The following PSTPIP1 variants were observed in gnomAD, a reference collection of about 807,000 sequenced individuals.
The protein encoded by PSTPIP1 is proline-serine-threonine phosphatase-interacting protein 1.
A neutral mutation model predicts 69.6 loss-of-function variants in PSTPIP1; 66 were observed. That is an observed-to-expected ratio of 0.95 (90% CI 0.78 to 1.16). The LOEUF (loss-of-function observed/expected upper bound fraction) is 1.16, where lower values mean the gene tolerates loss of function less well. Ranked by LOEUF, PSTPIP1 falls within the 50% of genes most tolerant of loss-of-function variation. PSTPIP1 has a pLI of 0.00. For missense variants in PSTPIP1, 603 were observed against 557.4 expected, an observed-to-expected ratio of 1.08 and a Z score of -0.82; for synonymous variants, 266 against 222.7, an observed-to-expected ratio of 1.19 and a Z score of -1.73.
intron 14 of PSTPIP1, among the ~76,000 whole-genome samples, chr15:77,036,337 C>A (rs2076572867): frequency 6.6e-6 from 1 of 152,146 alleles, no homozygotes; most frequent in Non-Finnish European, 1.5e-5. Context: ...CAGGTCATAG[C>A]TTGAGGGCCA....
chr15:77,031,320 C>T, intron 10 of PSTPIP1, 42 bp downstream of exon 10: 2 of 1,588,574 alleles, frequency 1.3e-6, no homozygotes, highest in Non-Finnish European at 8.6e-7. Context: ...GTAGGGCAGC[C>T]TCTAGGCAGC....
rs1268837835 is a variant in PSTPIP1 at position 77,027,954 on chromosome 15, AGCAGC to A, written c.417+45_417+49del. The A allele has an allele frequency of 4.7e-5, 70 of 1,501,620 alleles. No individual in the cohort carries two copies. Among genetic ancestry groups the A allele is most frequent in the Non-Finnish European group, 6.3e-5 (69 of 1,103,350 alleles). 93.0% of individuals were successfully genotyped at this position (1,501,620 alleles called of 1,614,324 possible). A position where few individuals can be genotyped will look rare whatever the true frequency, so the allele number is the denominator to read the frequency against. On this transcript the variant is annotated intron_variant, in intron 6 of 14. Transcript: ENST00000558012. The surrounding 1 kb of genome is among the most constrained non-coding windows in gnomAD (Gnocchi z 4.3). ...CTGGGGCCGCGGCCTTCCCTCGAGG[AGCAGC>A]GCAGGTCTCAGGGTGCGATCCTGGG...
At position 77,027,343 on chromosome 15, in the gene PSTPIP1, G is replaced by T. The variant is rs2076303327; in HGVS notation, c.355-509G>T. Among the ~76,000 whole-genome samples, 1 of 152,200 alleles carries T rather than the reference G, an allele frequency of 6.6e-6. No homozygotes were observed. Among genetic ancestry groups the T allele is most frequent in the South Asian group, 2.1e-4 (1 of 4,830 alleles). The stretch of plus-strand genomic sequence containing the variant: ...CCAGTGGCCACTGTGCCTGCATGTG[G>T]CCTGTGGTTGTGTGTGGGTGACTGT... On this transcript the variant is annotated intron_variant, in intron 5 of 14. Transcript: ENST00000558012. This position sits in a 1 kb window ranked among gnomAD's most constrained non-coding sequence, Gnocchi z 4.3.
chr15:77,012,289 C>G (rs1423747512), intron 1 of PSTPIP1, among the ~76,000 whole-genome samples: 6 of 151,576 alleles, frequency 4.0e-5, no homozygotes, highest in African/African-American at 1.5e-4. Flanking sequence ...ATCCACCCAC[C>G]CATCTACCCA....
chr15:77,031,927 C>T (rs1662374210), intron 10 of PSTPIP1, among the ~76,000 whole-genome samples: 1 of 152,200 alleles, frequency 6.6e-6, no homozygotes, highest in Non-Finnish European at 1.5e-5. Context: ...GCTGCCTCCT[C>T]GCCTCCTTGA....
intron 7 of PSTPIP1, 32 bp from the exon 8 acceptor site, chr15:77,029,497 G>A: frequency 6.4e-7 from 1 of 1,561,562 alleles, no homozygotes; most frequent in Non-Finnish European, 8.7e-7. Flanking sequence ...CTGGGGCAGG[G>A]GCTTAGCGCT....
At chr15:77,014,886 G>A (rs946451184) in intron 1 of PSTPIP1, among the ~76,000 whole-genome samples, 8 of 152,246 alleles carry the variant, frequency 5.3e-5, no homozygotes, top group South Asian at 2.1e-4. Context: ...CTGGGATGCC[G>A]CCTGAGGCCG....
At chr15:77,004,330 A>G (rs1178527337) in intron 1 of PSTPIP1, among the ~76,000 whole-genome samples, 1 of 152,216 alleles carries the variant, frequency 6.6e-6, no homozygotes, top group Non-Finnish European at 1.5e-5. Context: ...ACTGGTGTTG[A>G]CAGGCCACCC....
chr15:77,032,295 C>G lies in PSTPIP1; in HGVS notation c.742-3C>G. On this transcript the variant is annotated splice_region_variant and splice_polypyrimidine_tract_variant and intron_variant, in intron 10 of 14. Coordinates refer to ENST00000558012, the MANE Select transcript of PSTPIP1 (RefSeq NM_003978.5). ...CTGCGGCCTCTGCTCTTTCCTGCCC[C>G]AGCTCTACGAGGAAGTGCGGCTGAC... is the stretch of plus-strand genomic sequence containing the variant. 6.2e-7 allele frequency: 1 copy of G among 1,612,334 alleles called. No individual in the cohort carries two copies. Among genetic ancestry groups the G allele is most frequent in the Non-Finnish European group, 8.5e-7 (1 of 1,179,604 alleles).
At chr15:76,997,927 G>A (rs2075616386) in intron 1 of PSTPIP1, among the ~76,000 whole-genome samples, 1 of 150,750 alleles carries the variant, frequency 6.6e-6, no homozygotes, top group African/African-American at 2.5e-5. Context: ...CAGCCTGCCA[G>A]CACACTGTTT....
At chr15:77,032,148 C>A (rs998704661) in intron 10 of PSTPIP1, 150 bp from the exon 11 acceptor site, 2 of 697,874 alleles carry the variant, frequency 2.9e-6, no homozygotes, top group African/African-American at 3.6e-5. Context: ...AAGCTGTCAG[C>A]CAGGGCCGTG....
chr15:77,018,219 C>G lies in PSTPIP1; in HGVS notation c.108C>G (p.Cys36Trp). 1 of 1,586,726 alleles carries G rather than the reference C, an allele frequency of 6.3e-7. No individual in the cohort carries two copies. The highest frequency in any genetic ancestry group is 8.6e-7 in the Non-Finnish European group (1 of 1,167,466). The stretch of plus-strand genomic sequence containing the variant: ...GGCTTCTGGATGGCAGGAAGATGTG[C>G]AAAGACATGGAGGAGCTACTGAGGC... ...LQRLLDGRKM[C>W]KDMEELLRQR... The change falls in exon 2 of 15, where the codon TGC (cysteine) becomes TGG (tryptophan). Residue 36 changes from cysteine (C) to tryptophan (W), a missense_variant. Coordinates refer to ENST00000558012, the MANE Select transcript of PSTPIP1 (RefSeq NM_003978.5).
rs371781444 is a variant in PSTPIP1 at position 77,035,910 on chromosome 15, G to A, written c.1094G>A (p.Arg365Gln). 23 of 1,607,804 alleles carry A rather than the reference G, an allele frequency of 1.4e-5. No individual in the cohort carries two copies. The highest frequency in any genetic ancestry group is 2.2e-5 in the East Asian group (1 of 44,730). The change falls in exon 14 of 15, where the codon CGG (arginine) becomes CAG (glutamine). Residue 365 changes from arginine to glutamine, a missense_variant. Transcript: ENST00000558012. ...CCGGCCTCACCAGCCCAGGAGTACCGGGCGCTCTACGATTATACAGCGCAG... is the reference window on the plus strand; with the variant it reads ...CCGGCCTCACCAGCCCAGGAGTACCAGGCGCTCTACGATTATACAGCGCAG... ...GNPASPAQEY[R>Q]ALYDYTAQNP...
chr15:77,018,092 T>C (rs2076086607), intron 1 of PSTPIP1, 56 bp from the exon 2 acceptor site: 1 of 1,514,038 alleles, frequency 6.6e-7, no homozygotes, highest in Non-Finnish European at 9.0e-7. Flanking sequence ...CCCACAGGGC[T>C]GTGCTCAGTG....
chr15:77,020,342 A>G (rs898784123), intron 3 of PSTPIP1, among the ~76,000 whole-genome samples: 1 of 152,006 alleles, frequency 6.6e-6, no homozygotes, highest in Non-Finnish European at 1.5e-5. Flanking sequence ...CAGGGTCTGT[A>G]CCTATGGAAG....
intron 1 of PSTPIP1, among the ~76,000 whole-genome samples, chr15:77,002,336 G>T (rs900936095): frequency 2.0e-5 from 3 of 152,244 alleles, no homozygotes; most frequent in African/African-American, 7.2e-5. Flanking sequence ...ATGAAAGGAT[G>T]CTTCCCTACA....
At chr15:77,011,997 G>C (rs1200092674) in intron 1 of PSTPIP1, among the ~76,000 whole-genome samples, 1 of 152,098 alleles carries the variant, frequency 6.6e-6, no homozygotes, top group Non-Finnish European at 1.5e-5. Flanking sequence ...ATCTCCAGGT[G>C]AGACTTTTCC....
chr15:77,032,453 C>T (rs752461869), intron 11 of PSTPIP1, 59 bp downstream of exon 11: 40 of 1,562,586 alleles, frequency 2.6e-5, no homozygotes, highest in Admixed American at 8.5e-5. Context: ...TGGGAAGGCC[C>T]GGCCCTGAGC....
chr15:77,008,701 C>A (rs918658664), intron 1 of PSTPIP1, among the ~76,000 whole-genome samples: 1 of 152,186 alleles, frequency 6.6e-6, no homozygotes, highest in Non-Finnish European at 1.5e-5. Context: ...TGAGCCACTG[C>A]GCCCAGCATT....
Sources: allele counts gnomAD v4.1 joint callset (sites outside exome capture counted in the v4.1 genomes callset), GRCh38; gene constraint gnomAD v4.1.1; non-coding constraint Gnocchi (gnomAD v3.1); transcripts MANE v1.5; gene names NCBI Gene and HGNC (gene_info 2026-07-23, HGNC 2026-07-21).